Variants in ELP4 observed in about 807,000 individuals in gnomAD.
ELP4 encodes elongator acetyltransferase complex subunit 4, also known as elongator complex protein 4.
ELP4 carries 51 observed loss-of-function variants against 48.9 expected under a neutral mutation model. The ratio of observed to expected loss-of-function variants is 1.04; its 90% confidence interval spans 0.83 to 1.32. The LOEUF (loss-of-function observed/expected upper bound fraction) is 1.32, where lower values mean the gene tolerates loss of function less well. Among genes scored for constraint, ELP4 ranks in the 40% most tolerant of loss-of-function variants. The pLI is 0.00. For synonymous variants in ELP4, 210 were observed against 189.2 expected (o/e 1.11, Z -0.90); for missense variants, 519 against 514.6 (o/e 1.01, Z -0.08).
chr11:31,558,032 A>G (rs1160019417), intron 3 of ELP4, among the ~76,000 whole-genome samples: 2 of 151,888 alleles, frequency 1.3e-5, no homozygotes, highest in Admixed American at 1.3e-4. Context: ...TTTTTTGTCA[A>G]TATTTTATTT....
intron 5 of ELP4, among the ~76,000 whole-genome samples, chr11:31,626,611 C>T (rs556645123): frequency 1.3e-5 from 2 of 151,784 alleles, no homozygotes; most frequent in Non-Finnish European, 3.0e-5. Flanking sequence ...CACTTTTCTT[C>T]GTGTGTCTTA....
intron 3 of ELP4, among the ~76,000 whole-genome samples, chr11:31,562,821 A>G (rs959710869): frequency 4.6e-5 from 7 of 152,006 alleles, no homozygotes; most frequent in Non-Finnish European, 7.4e-5. Flanking sequence ...CCTTAACCTG[A>G]CTTTATGCCA....
At chr11:31,712,144 G>A (rs1041930894) in intron 9 of ELP4, among the ~76,000 whole-genome samples, 3 of 151,754 alleles carry the variant, frequency 2.0e-5, no homozygotes, top group African/African-American at 4.8e-5. Context: ...TTACAAATTA[G>A]AATGCATTAT....
At chr11:31,699,643 T>C (rs1381598896) in intron 9 of ELP4, among the ~76,000 whole-genome samples, 1 of 152,116 alleles carries the variant, frequency 6.6e-6, no homozygotes, top group African/African-American at 2.4e-5. Flanking sequence ...GAAAACGATA[T>C]TGACATAATC....
At chr11:31,678,505 G>A (rs201586968) in intron 9 of ELP4, among the ~76,000 whole-genome samples, 67,109 of 118,656 alleles carry the variant, frequency 0.57, 17,796 homozygotes, top group Non-Finnish European at 0.67. Context: ...ATGTGTGTGT[G>A]TGTGTGTGTG....
At position 31,789,872 on chromosome 11, in the gene ELP4, C is replaced by A; in HGVS notation, c.*6348C>A. On this transcript the variant is annotated 3_prime_UTR_variant, in exon 10 of 10. Transcript: ENST00000640961. ...TTTCCTGAAAGCTCAACTGTTGTGT[C>A]CCCATAGTCACTGACTGAATTAACA... 1 of 1,418,952 alleles carries A rather than the reference C, an allele frequency of 7.0e-7. No individual in the cohort carries two copies. The highest frequency in any genetic ancestry group is 1.2e-5 in the South Asian group (1 of 82,808). The allele number at this position is 1,418,952 out of a possible 1,614,324, so 87.9% of individuals were successfully genotyped here. A position where few individuals can be genotyped will look rare whatever the true frequency, so the allele number is the denominator to read the frequency against.
At position 31,539,733 on chromosome 11, in the gene ELP4, C is replaced by T. The variant is rs374120917; in HGVS notation, c.331C>T (p.His111Tyr). 5.4e-5 allele frequency: 87 copies of T among 1,611,862 alleles called. No individual in the cohort carries two copies. Among genetic ancestry groups the T allele is most frequent in the Non-Finnish European group, 7.0e-5 (82 of 1,178,948 alleles). ...CCTGGCAGAAGGAATTGTCAATGGG[C>T]ATACTTTGTTGGTTGCATCTGCTAA... The part of the protein sequence containing the change: ...YFLAEGIVNG[H>Y]TLLVASAKED... Residue 111 changes from histidine to tyrosine, a missense_variant, in exon 3 of 10, where the codon CAT becomes TAT. Transcript: ENST00000640961.
At chr11:31,604,805 T>G (rs1345514573) in intron 5 of ELP4, among the ~76,000 whole-genome samples, 1 of 151,974 alleles carries the variant, frequency 6.6e-6, no homozygotes, top group Non-Finnish European at 1.5e-5. Context: ...CACTTTATTA[T>G]GGAGTTCTCC....
At chr11:31,565,478 G>A (rs1289093012) in intron 3 of ELP4, among the ~76,000 whole-genome samples, 12 of 145,228 alleles carry the variant, frequency 8.3e-5, no homozygotes, top group African/African-American at 2.2e-4. Context: ...TATTGCCTAC[G>A]TTTTCTTCTA....
At chr11:31,781,374 A>G (rs1050959298) in intron 9 of ELP4, among the ~76,000 whole-genome samples, 4 of 152,068 alleles carry the variant, frequency 2.6e-5, no homozygotes, top group African/African-American at 9.7e-5. Flanking sequence ...CAGACATAAA[A>G]TTAAAGGTTT....
intron 3 of ELP4, among the ~76,000 whole-genome samples, chr11:31,550,931 C>G (rs755371410): frequency 6.6e-6 from 1 of 152,174 alleles, no homozygotes; most frequent in Non-Finnish European, 1.5e-5. Context: ...TTCATCACTT[C>G]GACTTGCTAG....
rs14571 is a variant in ELP4 at position 31,783,625 on chromosome 11, C to T, written c.*101C>T. On this transcript the variant is annotated 3_prime_UTR_variant, in exon 10 of 10. Coordinates refer to ENST00000640961, the MANE Select transcript of ELP4 (RefSeq NM_019040.5). ...TTTCTTAACAATTTGACCCTCCACT[C>T]CTTGAAAAACACAGGATTATAAAAT... 1.8e-6 allele frequency: 2 copies of T among 1,099,630 alleles called. No homozygotes were observed. Among genetic ancestry groups the T allele is most frequent in the Non-Finnish European group, 2.5e-6 (2 of 795,868 alleles). The allele number at this position is 1,099,630 out of a possible 1,614,324, so 68.1% of individuals were successfully genotyped here.
At chr11:31,741,986 T>G (rs1238854390) in intron 9 of ELP4, among the ~76,000 whole-genome samples, 2 of 151,978 alleles carry the variant, frequency 1.3e-5, no homozygotes, top group Non-Finnish European at 2.9e-5. Context: ...GCAAAGAAGT[T>G]AAAAGCTTTG....
intron 9 of ELP4, among the ~76,000 whole-genome samples, chr11:31,754,458 A>C (rs12279986): frequency 0.33 from 49,363 of 151,842 alleles, 9,214 homozygotes; most frequent in African/African-American, 0.52. Context: ...ACTGTACCCT[A>C]TAGTACAGTA....
chr11:31,787,596 C>CCGGCAATTGTACCAACAGTG lies in ELP4; in HGVS notation c.*4075_*4094dup. On this transcript the variant is annotated 3_prime_UTR_variant, in exon 10 of 10. Transcript: ENST00000640961. ...ATGTCAGGAGGTAGAAATGTCTGCACCGGCAATTGTACCAACAGTGCGTAT... is the reference window on the plus strand; with the variant it reads ...ATGTCAGGAGGTAGAAATGTCTGCACCGGCAATTGTACCAACAGTGCGGCAATTGTACCAACAGTGCGTAT... 1 of 232,514 alleles carries CCGGCAATTGTACCAACAGTG rather than the reference C, an allele frequency of 4.3e-6. No individual in the cohort carries two copies. Among genetic ancestry groups the CCGGCAATTGTACCAACAGTG allele is most frequent in the Admixed American group, 5.6e-5 (1 of 17,772 alleles). The allele number at this position is 232,514 out of a possible 1,614,324, so 14.4% of individuals were successfully genotyped here. A position where few individuals can be genotyped will look rare whatever the true frequency, so the allele number is the denominator to read the frequency against.
At chr11:31,751,140 C>G (rs1010358623) in intron 9 of ELP4, among the ~76,000 whole-genome samples, 3 of 152,172 alleles carry the variant, frequency 2.0e-5, no homozygotes, top group African/African-American at 7.2e-5. Context: ...TCTCTCAACT[C>G]AAATTAATAT....
chr11:31,704,136 G>T (rs1946580857), intron 9 of ELP4, among the ~76,000 whole-genome samples: 1 of 151,676 alleles, frequency 6.6e-6, no homozygotes, highest in Non-Finnish European at 1.5e-5. Flanking sequence ...TACCACAAAT[G>T]CATCAAGGCA....
chr11:31,664,902 C>T (rs977004352), intron 9 of ELP4, among the ~76,000 whole-genome samples: 3 of 151,986 alleles, frequency 2.0e-5, no homozygotes, highest in Admixed American at 6.6e-5. Flanking sequence ...TTAATCAATG[C>T]GCAATTAATA....
rs529835011 is a variant in ELP4, at chr11:31,529,048, A to G, written c.259+8957A>G. On this transcript the variant is annotated intron_variant, in intron 2 of 9. Coordinates refer to ENST00000640961, the MANE Select transcript of ELP4 (RefSeq NM_019040.5). ...TTTGTGTTTGGCTATGTGTATATAT[A>G]TATATATATTTGCAGTGAGTCAATA... Among the ~76,000 whole-genome samples the G allele has an allele frequency of 8.6e-5, 13 of 150,826 alleles. No individual in the cohort carries two copies. The South Asian group carries it at 2.7e-3, about 32-fold the overall frequency.
Sources: gnomAD v4.1 joint callset for allele counts (sites outside exome capture counted in the v4.1 genomes callset) on GRCh38, gnomAD v4.1.1 for gene constraint, MANE v1.5 for transcripts, NCBI Gene and HGNC (gene_info 2026-07-23, HGNC 2026-07-21) for gene names.